ADAMTS3: variants seen among roughly 807,000 people sequenced by gnomAD.
ADAMTS3 encodes ADAM metallopeptidase with thrombospondin type 1 motif 3.
Under a neutral mutation model 129.0 loss-of-function variants are expected in ADAMTS3, and 73 were observed. The ratio of observed to expected loss-of-function variants is 0.57; its 90% confidence interval spans 0.47 to 0.69. The LOEUF is 0.69. ADAMTS3 is among the 30% of genes least tolerant of loss of function. The pLI is 0.00. For missense variants in ADAMTS3, 1,457 were observed against 1,514.5 expected, an observed-to-expected ratio of 0.96 and a Z score of 0.63; for synonymous variants, 477 against 510.8, an observed-to-expected ratio of 0.93 and a Z score of 0.89.
At chr4:72,451,554 G>A (rs564875093) in intron 3 of ADAMTS3, among the ~76,000 whole-genome samples, 2 of 151,846 alleles carry the variant, frequency 1.3e-5, no homozygotes, top group East Asian at 2.0e-4. Context: ...ATTTCATGAC[G>A]TAAATTGAAC....
chr4:72,518,205 T>C (rs1339809833), intron 3 of ADAMTS3, among the ~76,000 whole-genome samples: 1 of 152,150 alleles, frequency 6.6e-6, no homozygotes, highest in Non-Finnish European at 1.5e-5. Context: ...TGAGAGACAG[T>C]TTGTTATAAT....
At chr4:72,507,272 C>T (rs945601634) in intron 3 of ADAMTS3, among the ~76,000 whole-genome samples, 5 of 152,100 alleles carry the variant, frequency 3.3e-5, no homozygotes, top group African/African-American at 1.2e-4. Flanking sequence ...GACAACCACA[C>T]CTTATGCCTC....
At position 72,339,603 on chromosome 4, in the gene ADAMTS3, G is replaced by T. The variant is rs773336445; in HGVS notation, c.752C>A (p.Ala251Glu). ...LNETMRRRRH[A>E]GENDYNIEVL... Reference sequence around the variant, plus strand: ...CTCGATATTGTAATCGTTTTCTCCCGCGTGTCTGCGGCGTCTCATTGTTTC... The same window carrying T: ...CTCGATATTGTAATCGTTTTCTCCCTCGTGTCTGCGGCGTCTCATTGTTTC... Residue 251 changes from alanine (A) to glutamate (E), a missense_variant, in exon 5 of 22, where the codon GCG becomes GAG. By Grantham distance (107) the Ala-to-Glu change is moderately radical. Transcript: ENST00000286657. The T allele has an allele frequency of 8.7e-6, 14 of 1,613,754 alleles. No individual in the cohort carries two copies. Among genetic ancestry groups the T allele is most frequent in the Non-Finnish European group, 1.2e-5 (14 of 1,179,906 alleles).
chr4:72,382,917 T>A (rs1721331415), intron 4 of ADAMTS3, among the ~76,000 whole-genome samples: 1 of 152,152 alleles, frequency 6.6e-6, no homozygotes, highest in Non-Finnish European at 1.5e-5. Flanking sequence ...AACTACCGGT[T>A]AGGTACCATG....
chr4:72,478,784 C>A (rs908052440), intron 3 of ADAMTS3, among the ~76,000 whole-genome samples: 2 of 152,022 alleles, frequency 1.3e-5, no homozygotes, highest in Non-Finnish European at 2.9e-5. Context: ...GATTCTATAT[C>A]TAGAAAACCC....
At chr4:72,519,310 T>G (rs1200202446) in intron 3 of ADAMTS3, among the ~76,000 whole-genome samples, 4 of 152,228 alleles carry the variant, frequency 2.6e-5, no homozygotes, top group Non-Finnish European at 5.9e-5. Context: ...CTGACAATTA[T>G]GTGTCTTGGA....
intron 19 of ADAMTS3, among the ~76,000 whole-genome samples, chr4:72,295,086 T>A (rs1391894314): frequency 6.6e-6 from 1 of 151,978 alleles, no homozygotes; most frequent in African/African-American, 2.4e-5. Context: ...TAGTAGAAGA[T>A]CAAATACATA....
chr4:72,539,646 T>G (rs969221455), intron 3 of ADAMTS3, among the ~76,000 whole-genome samples: 10 of 152,208 alleles, frequency 6.6e-5, no homozygotes. Context: ...TGAACTGTAA[T>G]TCCTACAATT....
At chr4:72,392,915 A>ATTTTTTTTTTTTTTTTTTTT (rs36046621) in intron 4 of ADAMTS3, among the ~76,000 whole-genome samples, 1 of 139,852 alleles carries the variant, frequency 7.2e-6, no homozygotes. Flanking sequence ...TACCCATCGG[A>ATTTTTTTTTTTTTTTTTTTT]TTTTTTTTTT....
chr4:72,551,746 C>G (rs915391225), intron 2 of ADAMTS3, among the ~76,000 whole-genome samples: 3 of 152,172 alleles, frequency 2.0e-5, no homozygotes, highest in Non-Finnish European at 4.4e-5. Flanking sequence ...ACCTAGAAGA[C>G]TTGACACATA....
intron 3 of ADAMTS3, among the ~76,000 whole-genome samples, chr4:72,416,212 A>AAT (rs1008079624): frequency 2.8e-4 from 8 of 28,202 alleles, no homozygotes; most frequent in Admixed American, 2.6e-3. Context: ...TAAATAAATA[A>AAT]ATATATATAT....
chr4:72,513,954 G>T (rs1040786002), intron 3 of ADAMTS3, among the ~76,000 whole-genome samples: 3 of 152,088 alleles, frequency 2.0e-5, no homozygotes, highest in Non-Finnish European at 4.4e-5. Flanking sequence ...CTATTTCTGA[G>T]TTATTTCACT....
At chr4:72,529,031 A>G (rs1372165431) in intron 3 of ADAMTS3, among the ~76,000 whole-genome samples, 1 of 152,160 alleles carries the variant, frequency 6.6e-6, no homozygotes, top group Non-Finnish European at 1.5e-5. Context: ...TTTAGCTAGA[A>G]TGGTCAGGAA....
Position 72,320,793 on chromosome 4 carries a change from T to A in ADAMTS3, c.1023A>T (p.Arg341Ser). ...GGTGTTCAGAGTGGTTGAGATCAGA[T>A]CTTTGCTGTTGGGACGCCCAGCGAC... ...NVCRWASQQQ[R>S]SDLNHSEHHD... Residue 341 changes from arginine (R) to serine (S), a missense_variant, in exon 7 of 22, where the codon AGA (arginine) becomes AGT (serine). Physicochemically the swap from Arg to Ser is moderately radical, Grantham distance 110. Transcript: ENST00000286657. 1 of 1,614,006 alleles carries A rather than the reference T, an allele frequency of 6.2e-7. No homozygotes were observed. The highest frequency in any genetic ancestry group is 8.5e-7 in the Non-Finnish European group (1 of 1,179,918).
intron 8 of ADAMTS3, 82 bp downstream of exon 8, chr4:72,319,776 C>T: frequency 8.6e-7 from 1 of 1,169,066 alleles, no homozygotes; most frequent in Non-Finnish European, 1.3e-6. Flanking sequence ...GGCATGCATT[C>T]TGCCCAAAGA....
intron 3 of ADAMTS3, among the ~76,000 whole-genome samples, chr4:72,461,019 A>C (rs2109983654): frequency 6.6e-6 from 1 of 151,768 alleles, no homozygotes; most frequent in Non-Finnish European, 1.5e-5. Flanking sequence ...ATAGTCAATT[A>C]AGTTTAACAA....
intron 3 of ADAMTS3, among the ~76,000 whole-genome samples, chr4:72,440,720 T>G (rs1302379474): frequency 6.6e-6 from 1 of 151,734 alleles, no homozygotes; most frequent in African/African-American, 2.4e-5. Flanking sequence ...AGCTGAGAAC[T>G]TTATACAAAA....
intron 2 of ADAMTS3, among the ~76,000 whole-genome samples, chr4:72,554,444 C>G (rs1468869498): frequency 1.3e-5 from 2 of 152,156 alleles, no homozygotes; most frequent in Non-Finnish European, 2.9e-5. Flanking sequence ...CTGAACGGCT[C>G]TGTTCTCTAT....
intron 3 of ADAMTS3, among the ~76,000 whole-genome samples, chr4:72,515,990 A>G (rs925958884): frequency 6.6e-6 from 1 of 152,172 alleles, no homozygotes; most frequent in African/African-American, 2.4e-5. Flanking sequence ...TAAATCTTTA[A>G]TCCATCTTGA....
Sources: allele counts gnomAD v4.1 joint callset (sites outside exome capture counted in the v4.1 genomes callset), GRCh38; gene constraint gnomAD v4.1.1; transcripts MANE v1.5; gene names NCBI Gene and HGNC (gene_info 2026-07-23, HGNC 2026-07-21).